CDIN1: variants seen among roughly 807,000 people sequenced by gnomAD.
The protein encoded by CDIN1 is CDAN1-interacting nuclease 1.
Under a neutral mutation model 45.3 loss-of-function variants are expected in CDIN1, and 33 were observed. The observed-to-expected ratio is 0.73, with a 90% confidence interval of 0.55 to 0.97. The LOEUF (loss-of-function observed/expected upper bound fraction) is 0.97, where lower values mean the gene tolerates loss of function less well. Among genes scored for constraint, CDIN1 ranks in the 50% least tolerant of loss-of-function variants. The pLI is 0.00. For synonymous variants in CDIN1, 118 were observed against 124.4 expected, an observed-to-expected ratio of 0.95 and a Z score of 0.34; for missense variants, 303 against 339.4, an observed-to-expected ratio of 0.89 and a Z score of 0.84.
chr15:36,744,707 C>T (rs1468699866), intron 10 of CDIN1, among the ~76,000 whole-genome samples: 1 of 152,176 alleles, frequency 6.6e-6, no homozygotes, highest in Non-Finnish European at 1.5e-5. Flanking sequence ...AATCTCATTT[C>T]ACCAAATTGA....
At chr15:36,640,081 T>A (rs1772801104) in intron 1 of CDIN1, among the ~76,000 whole-genome samples, 1 of 152,212 alleles carries the variant, frequency 6.6e-6, no homozygotes, top group Non-Finnish European at 1.5e-5. Flanking sequence ...AGTGTATCAG[T>A]AATCTCCCTC....
At chr15:36,610,324 C>T (rs533641522) in intron 1 of CDIN1, among the ~76,000 whole-genome samples, 61 of 152,258 alleles carry the variant, frequency 4.0e-4, no homozygotes, top group African/African-American at 1.4e-3. Context: ...CACTTTGCTT[C>T]TTTTAAGTGA....
At chr15:36,774,159 TGTGTGC>T (rs1454459526) in intron 10 of CDIN1, among the ~76,000 whole-genome samples, 1 of 42,310 alleles carries the variant, frequency 2.4e-5, no homozygotes, top group African/African-American at 4.3e-5. Flanking sequence ...TGTGTGTGTG[TGTGTGC>T]GCGCGCGCGC....
At chr15:36,580,816 T>A (rs2037007815) in intron 1 of CDIN1, among the ~76,000 whole-genome samples, 1 of 152,254 alleles carries the variant, frequency 6.6e-6, no homozygotes, top group African/African-American at 2.4e-5. Context: ...CTGTACCATT[T>A]TGTTTTGTGG....
At chr15:36,733,001 C>T (rs748386407) in intron 10 of CDIN1, among the ~76,000 whole-genome samples, 10 of 151,976 alleles carry the variant, frequency 6.6e-5, no homozygotes, top group African/African-American at 1.2e-4. Flanking sequence ...CAAAATATGA[C>T]AGAAACTTAT....
intron 10 of CDIN1, among the ~76,000 whole-genome samples, chr15:36,757,829 A>AT (rs11414831): frequency 0.25 from 38,041 of 151,880 alleles, 5,318 homozygotes; most frequent in Non-Finnish European, 0.32. Context: ...ACCTCACTTC[A>AT]TCTCATCATG....
chr15:36,725,943 A>T (rs1005070232), intron 10 of CDIN1, among the ~76,000 whole-genome samples: 1 of 152,184 alleles, frequency 6.6e-6, no homozygotes, highest in Non-Finnish European at 1.5e-5. Flanking sequence ...TAATTGCAAT[A>T]ATATTCTCCG....
intron 8 of CDIN1, among the ~76,000 whole-genome samples, chr15:36,703,219 A>AATATAT (rs71126233): frequency 0.037 from 2,145 of 57,412 alleles, 620 homozygotes; most frequent in African/African-American, 0.16. Flanking sequence ...CCCTGTCTCA[A>AATATAT]ATATATATAT....
intron 1 of CDIN1, chr15:36,626,708 TGGTTCACCTGAAAATATCCTTTCA>T (rs1030819828): frequency 7.4e-5 from 32 of 433,574 alleles, no homozygotes; most frequent in Admixed American, 2.0e-4. Context: ...GGTGCTATTC[TGGTTCACCTGAAAATATCCTTTCA>T]GATTGACTGG....
intron 10 of CDIN1, among the ~76,000 whole-genome samples, chr15:36,793,127 G>A (rs548672960): frequency 6.6e-6 from 1 of 152,216 alleles, no homozygotes; most frequent in Non-Finnish European, 1.5e-5. Flanking sequence ...AGAGTTAAGT[G>A]CTTCCTTCTC....
chr15:36,682,580 A>G (rs1167396976), intron 5 of CDIN1, among the ~76,000 whole-genome samples: 1 of 149,466 alleles, frequency 6.7e-6, no homozygotes, highest in Admixed American at 6.7e-5. Context: ...TCAGGACCTC[A>G]TGGAGAATCC....
intron 10 of CDIN1, among the ~76,000 whole-genome samples, chr15:36,774,545 A>G (rs1204503340): frequency 6.6e-6 from 1 of 151,888 alleles, no homozygotes; most frequent in African/African-American, 2.4e-5. Flanking sequence ...AAAGGTTATC[A>G]TAATTCACAT....
intron 5 of CDIN1, among the ~76,000 whole-genome samples, chr15:36,679,448 T>G (rs2041773378): frequency 6.6e-6 from 1 of 152,124 alleles, no homozygotes; most frequent in Non-Finnish European, 1.5e-5. Flanking sequence ...CTGAGAGGTG[T>G]CAACATTAAC....
intron 5 of CDIN1, among the ~76,000 whole-genome samples, chr15:36,689,844 A>T (rs1228528000): frequency 6.6e-6 from 1 of 152,174 alleles, no homozygotes; most frequent in African/African-American, 2.4e-5. Flanking sequence ...GTTTGATTTG[A>T]TTCTTACTAT....
chr15:36,774,497 A>C (rs1381948929), intron 10 of CDIN1, among the ~76,000 whole-genome samples: 1 of 152,118 alleles, frequency 6.6e-6, no homozygotes, highest in Non-Finnish European at 1.5e-5. Flanking sequence ...TTTAGCAAAA[A>C]AAAAAAAGTT....
chr15:36,644,524 A>G (rs1204983710), intron 2 of CDIN1, among the ~76,000 whole-genome samples: 1 of 152,048 alleles, frequency 6.6e-6, no homozygotes, highest in Non-Finnish European at 1.5e-5. Context: ...GCCTTTGCTT[A>G]TTTGGTGGAC....
intron 1 of CDIN1, among the ~76,000 whole-genome samples, chr15:36,640,252 C>T (rs188107057): frequency 1.3e-5 from 2 of 151,846 alleles, no homozygotes; most frequent in Non-Finnish European, 2.9e-5. Context: ...TGGCAGGGGG[C>T]GTTGGGGGAG....
chr15:36,619,037 C>G, intron 1 of CDIN1: 1 of 1,357,108 alleles, frequency 7.4e-7, no homozygotes, highest in Non-Finnish European at 1.0e-6. Context: ...GTAGTGTCTC[C>G]CACGACAAAC....
intron 8 of CDIN1, chr15:36,707,598 C>T (rs1201586569): frequency 6.6e-6 from 1 of 152,136 alleles, no homozygotes; most frequent in African/African-American, 2.4e-5. Context: ...TTGTTTTGCA[C>T]TGTTATCAGA....
Sources: gnomAD v4.1 joint callset for allele counts (sites outside exome capture counted in the v4.1 genomes callset) on GRCh38, gnomAD v4.1.1 for gene constraint, MANE v1.5 for transcripts, NCBI Gene and HGNC (gene_info 2026-07-23, HGNC 2026-07-21) for gene names.